DNAH17: variants seen among roughly 807,000 people sequenced by gnomAD.
DNAH17 encodes axonemal beta dynein heavy chain 17.
In DNAH17, 376 loss-of-function variants were observed where a neutral mutation model predicts 485.6. The observed-to-expected ratio is 0.77, with a 90% CI of 0.71 to 0.84. DNAH17 has a LOEUF of 0.84. DNAH17 is among the 40% of genes least tolerant of loss of function. The pLI is 0.00. For synonymous variants in DNAH17, 3,031 were observed against 2,405.9 expected, an observed-to-expected ratio of 1.26 and a Z score of -7.60; for missense variants, 6,370 against 5,839.3, an observed-to-expected ratio of 1.09 and a Z score of -2.96.
Position 78,476,683 on chromosome 17 carries a change from G to A in DNAH17, c.8043C>T (p.Val2681=), listed in dbSNP as rs770709506. Residue 2681 remains valine, a synonymous_variant, in exon 52 of 81, where the codon GTC becomes GTT. Transcript: ENST00000389840. The part of the protein sequence containing the change: ...AEVLKTPLDL[V]RLWLHETERV... ...GTTCAGTCTCATGTAGCCAAAGGCG[G>A]ACGAGGTCCAGTGGGGTTTTCAGAA... The A allele has an allele frequency of 6.2e-7, 1 of 1,613,134 alleles. No individual in the cohort carries two copies. Among genetic ancestry groups the A allele is most frequent in the Non-Finnish European group, 8.5e-7 (1 of 1,179,540 alleles).
At chr17:78,457,524 A>T (rs2087864076) in intron 62 of DNAH17, among the ~76,000 whole-genome samples, 1 of 152,176 alleles carries the variant, frequency 6.6e-6, no homozygotes, top group African/African-American at 2.4e-5. Context: ...GTTAAATAAA[A>T]TTATAACTGT....
intron 26 of DNAH17, among the ~76,000 whole-genome samples, chr17:78,514,123 G>A (rs532506078): frequency 5.9e-5 from 9 of 152,130 alleles, no homozygotes; most frequent in Admixed American, 1.3e-4. Context: ...AACTTCCTGA[G>A]CCTTATGAAC....
intron 11 of DNAH17, among the ~76,000 whole-genome samples, chr17:78,564,347 C>T (rs1453572509): frequency 1.3e-5 from 2 of 151,444 alleles, no homozygotes; most frequent in African/African-American, 2.5e-5. Context: ...TGGCCCTGGC[C>T]GGGTGACCAA....
chr17:78,517,350 GA>G (rs1299114243), intron 25 of DNAH17, among the ~76,000 whole-genome samples: 2 of 152,152 alleles, frequency 1.3e-5, no homozygotes, highest in South Asian at 4.1e-4. Context: ...GGCCGGATTT[GA>G]AAAAAGTTCA....
At chr17:78,508,825 T>G (rs1184130607) in intron 27 of DNAH17, among the ~76,000 whole-genome samples, 1 of 152,050 alleles carries the variant, frequency 6.6e-6, no homozygotes, top group Non-Finnish European at 1.5e-5. Context: ...ATAATTTTTT[T>G]TAGGGACAGG....
rs373937414 is a variant in DNAH17, at chr17:78,486,239, G to A, written c.7086C>T (p.Ala2362=). ...GGTGCATCACCTGGTCCTGGAACATGGCGCCACCGAAGGCCCAGAAGCAGG... is the reference window on the plus strand; with the variant it reads ...GGTGCATCACCTGGTCCTGGAACATAGCGCCACCGAAGGCCCAGAAGCAGG... ...VFTCFWAFGG[A]MFQDQLVDYR... The change falls in exon 45 of 81, where the codon GCC becomes GCT. Residue 2362 remains alanine, a synonymous_variant. Transcript: ENST00000389840. 2.5e-6 allele frequency: 4 copies of A among 1,589,724 alleles called. No individual in the cohort carries two copies. Among genetic ancestry groups the A allele is most frequent in the African/African-American group, 1.3e-5 (1 of 74,662 alleles).
Position 78,529,689 on chromosome 17 carries a change from G to T in DNAH17, c.3290C>A (p.Ala1097Asp). Residue 1097 changes from alanine (A) to aspartate (D), a missense_variant, in exon 22 of 81, where the codon GCT becomes GAT. Physicochemically the swap from Ala to Asp is moderately radical, Grantham distance 126. Coordinates refer to ENST00000389840, the MANE Select transcript of DNAH17 (RefSeq NM_173628.4). Reference sequence around the variant, plus strand: ...GACTTTCATGAAGGCTTCCAGGTCAGCCAGGCTAAGGGACAAGGGGACCAT... The same window carrying T: ...GACTTTCATGAAGGCTTCCAGGTCATCCAGGCTAAGGGACAAGGGGACCAT... ...HLSNHVTNSL[A>D]DLEAFMKVAR... is the part of the protein sequence containing the mutation. The T allele has an allele frequency of 6.2e-7, 1 of 1,613,888 alleles. No individual in the cohort carries two copies. Among genetic ancestry groups the T allele is most frequent in the Non-Finnish European group, 8.5e-7 (1 of 1,179,816 alleles).
At chr17:78,473,446 A>C (rs1405046924) in intron 54 of DNAH17, among the ~76,000 whole-genome samples, 1 of 148,334 alleles carries the variant, frequency 6.7e-6, no homozygotes, top group Non-Finnish European at 1.5e-5. Context: ...CAGGAGGCTG[A>C]GGCAGGAGAA....
chr17:78,553,283 G>GGTGT (rs2091944708), intron 14 of DNAH17, among the ~76,000 whole-genome samples: 69 of 51,032 alleles, frequency 1.4e-3, no homozygotes, highest in African/African-American at 6.0e-3. Context: ...AGGTTTTTGT[G>GGTGT]TTTTTTTTTT....
intron 48 of DNAH17, 59 bp downstream of exon 48, chr17:78,484,809 T>C (rs1419513346): frequency 1.2e-5 from 14 of 1,154,452 alleles, no homozygotes; most frequent in South Asian, 1.6e-5. Flanking sequence ...CGCCCCGCCC[T>C]GGCCCCGCCC....
Position 78,551,591 on chromosome 17 carries a change from G to T in DNAH17, c.2335C>A (p.Gln779Lys), listed in dbSNP as rs1178428717. 2 of 1,613,972 alleles carry T rather than the reference G, an allele frequency of 1.2e-6. No individual in the cohort carries two copies. The highest frequency in any genetic ancestry group is 2.2e-5 in the East Asian group (1 of 44,886). The stretch of plus-strand genomic sequence containing the variant: ...TGTTTTGCCTTTTGCATCCTGTTCT[G>T]CAAGTTGTGCAGAATTTCTCGCACC... ...QEVREILHNL[Q>K]NRMQKAKQNI... Residue 779 changes from glutamine to lysine, a missense_variant, in exon 16 of 81, where the codon CAG becomes AAG. By Grantham distance (53) the Gln-to-Lys change is moderately conservative. Transcript: ENST00000389840.
Position 78,530,559 on chromosome 17 carries a change from G to T in DNAH17, c.3115-47C>A, listed in dbSNP as rs192079141. 57 of 1,565,676 alleles carry T rather than the reference G, an allele frequency of 3.6e-5. 1 individual carries two copies. In the Middle Eastern group the frequency reaches 5.1e-4, roughly 14 times the overall value. The stretch of plus-strand genomic sequence containing the variant: ...GGCCTGTCATAGCCTGCAAGCCTAG[G>T]GGGGGCGTCAGCACAGGGCCTCAGT... On this transcript the variant is annotated intron_variant, in intron 20 of 80. Coordinates refer to ENST00000389840, the MANE Select transcript of DNAH17 (RefSeq NM_173628.4).
chr17:78,439,050 T>G (rs2086966134), intron 73 of DNAH17, 40 bp downstream of exon 73: 2 of 1,602,408 alleles, frequency 1.2e-6, no homozygotes, highest in Non-Finnish European at 1.7e-6. Context: ...GCCACCTCAG[T>G]GCGGGGAGCC....
Position 78,427,059 on chromosome 17 carries a change from T to A in DNAH17, c.12638A>T (p.Asn4213Ile). The change falls in exon 78 of 81, where the codon AAC (asparagine) becomes ATC (isoleucine). Residue 4213 changes from asparagine to isoleucine, a missense_variant. Transcript: ENST00000389840. The part of the protein sequence containing the change: ...DILEKIPETF[N>I]MAEIMAKAAE... ...TGCCTTTGCCATGATCTCAGCCATG[T>A]TGAAAGTCTCCGGAATCTTCTCCAG... is the stretch of plus-strand genomic sequence containing the variant. 1.9e-6 allele frequency: 3 copies of A among 1,597,876 alleles called. No individual in the cohort carries two copies. The highest frequency in any genetic ancestry group is 2.6e-6 in the Non-Finnish European group (3 of 1,172,456).
chr17:78,567,313 C>G (rs2092283572), intron 9 of DNAH17, 147 bp from the exon 10 acceptor site: 2 of 744,048 alleles, frequency 2.7e-6, no homozygotes, highest in Admixed American at 2.8e-5. Flanking sequence ...AGGACACCCT[C>G]TGTGTCTGTG....
intron 19 of DNAH17, among the ~76,000 whole-genome samples, chr17:78,534,166 C>T (rs2143345056): frequency 6.6e-6 from 1 of 152,366 alleles, no homozygotes; most frequent in East Asian, 1.9e-4. Context: ...CCAGTATTTC[C>T]CCTGCCCTAA....
intron 26 of DNAH17, among the ~76,000 whole-genome samples, chr17:78,514,556 G>A (rs1011729174): frequency 2.0e-5 from 3 of 151,478 alleles, no homozygotes; most frequent in Non-Finnish European, 4.4e-5. Context: ...TTGAGATGGT[G>A]AAGTTGAGAT....
chr17:78,434,030 T>G lies in DNAH17; in HGVS notation c.12224A>C (p.Lys4075Thr). Residue 4075 changes from lysine to threonine, a missense_variant and splice_region_variant, in exon 75 of 81, where the codon AAG becomes ACG. Physicochemically the swap from Lys to Thr is moderately conservative, Grantham distance 78. Transcript: ENST00000389840. ...TACAGGGCACACACAGCCCCTCACC[T>G]TGGGGTTGGCCTCCAGGTAGTTGTA... ...VLYNYLEANP[K>T]VPWDDLRYLF... The G allele has an allele frequency of 6.3e-7, 1 of 1,593,398 alleles. No individual in the cohort carries two copies. Among genetic ancestry groups the G allele is most frequent in the Admixed American group, 1.7e-5 (1 of 58,646 alleles).
intron 25 of DNAH17, among the ~76,000 whole-genome samples, chr17:78,517,126 T>A (rs1346369694): frequency 6.6e-6 from 1 of 152,184 alleles, no homozygotes; most frequent in Admixed American, 6.5e-5. Flanking sequence ...CACTGCAACC[T>A]CCACCTCCTG....
Sources: allele counts gnomAD v4.1 joint callset (sites outside exome capture counted in the v4.1 genomes callset), GRCh38; gene constraint gnomAD v4.1.1; transcripts MANE v1.5; gene names NCBI Gene and HGNC (gene_info 2026-07-23, HGNC 2026-07-21).